Variants in GANC observed in about 807,000 individuals in gnomAD.
GANC encodes neutral alpha-glucosidase C.
A neutral mutation model predicts 124.2 loss-of-function variants in GANC; 117 were observed. The ratio of observed to expected loss-of-function variants is 0.94; its 90% confidence interval spans 0.81 to 1.10. The LOEUF (loss-of-function observed/expected upper bound fraction) is 1.10. Ranked by LOEUF, GANC falls within the 50% of genes least tolerant of loss-of-function variation. The pLI, the probability that GANC is intolerant of heterozygous loss-of-function variation, is 0.00. For missense variants in GANC, 1,140 were observed against 1,095.0 expected, an observed-to-expected ratio of 1.04 and a Z score of -0.58; for synonymous variants, 377 against 376.8, an observed-to-expected ratio of 1.00 and a Z score of -0.01.
intron 11 of GANC, among the ~76,000 whole-genome samples, chr15:42,323,173 T>C (rs2052174503): frequency 6.6e-6 from 1 of 152,218 alleles, no homozygotes; most frequent in African/African-American, 2.4e-5. Context: ...TTTCAAAATT[T>C]ACACAAAGGC....
At chr15:42,301,715 C>T (rs1374591019) in intron 6 of GANC, among the ~76,000 whole-genome samples, 7 of 152,222 alleles carry the variant, frequency 4.6e-5, no homozygotes, top group Admixed American at 4.6e-4. Context: ...GTTTTCCCCT[C>T]ACAGTCTAAA....
At chr15:42,322,220 T>C (rs1444434281) in intron 11 of GANC, among the ~76,000 whole-genome samples, 200 bp downstream of exon 11, 2 of 152,192 alleles carry the variant, frequency 1.3e-5, no homozygotes, top group Non-Finnish European at 2.9e-5. Context: ...CTGGCTTAGT[T>C]ATCTAGGTCA....
chr15:42,341,861 G>C (rs1052783719), intron 18 of GANC, among the ~76,000 whole-genome samples: 1 of 152,080 alleles, frequency 6.6e-6, no homozygotes, highest in Admixed American at 6.5e-5. Context: ...ACCACGCCCA[G>C]CCCCGTTTCT....
chr15:42,340,454 A>G (rs1181719644), intron 17 of GANC, among the ~76,000 whole-genome samples: 6 of 152,024 alleles, frequency 3.9e-5, no homozygotes. Context: ...AAATACAAAA[A>G]TTAGCTGGGC....
intron 6 of GANC, among the ~76,000 whole-genome samples, chr15:42,306,009 GT>G (rs1011119644): frequency 2.0e-5 from 3 of 148,454 alleles, no homozygotes; most frequent in African/African-American, 7.4e-5. Context: ...GGGTTGATGG[GT>G]GCAGCAAACC....
chr15:42,347,708 A>G (rs941466456), intron 20 of GANC, among the ~76,000 whole-genome samples: 1 of 152,222 alleles, frequency 6.6e-6, no homozygotes, highest in Non-Finnish European at 1.5e-5. Flanking sequence ...ACAGACAGAA[A>G]ACTTCACTCT....
chr15:42,294,648 A>G (rs1040561136), intron 5 of GANC, among the ~76,000 whole-genome samples: 6 of 150,400 alleles, frequency 4.0e-5, no homozygotes, highest in African/African-American at 1.2e-4. Context: ...ATGTATACAC[A>G]TTTTATATAT....
chr15:42,273,401 T>C lies in GANC; in HGVS notation c.-1081T>C. Reference sequence around the variant, plus strand: ...TGAAGCCACGCAGCCGCCGCCATCTTCACAGCCGTGGAGTGCCTACCGAAA... The same window carrying C: ...TGAAGCCACGCAGCCGCCGCCATCTCCACAGCCGTGGAGTGCCTACCGAAA... On this transcript the variant is annotated 5_prime_UTR_variant, in exon 1 of 24. Transcript: ENST00000318010. The C allele has an allele frequency of 6.2e-7, 1 of 1,613,868 alleles. No homozygotes were observed. Among genetic ancestry groups the C allele is most frequent in the Non-Finnish European group, 8.5e-7 (1 of 1,179,976 alleles).
chr15:42,285,008 T>A (rs1345333806), intron 3 of GANC, among the ~76,000 whole-genome samples: 1 of 152,264 alleles, frequency 6.6e-6, no homozygotes, highest in Non-Finnish European at 1.5e-5. Context: ...TATTTTTTCA[T>A]TGTCATTTCC....
chr15:42,281,158 A>G lies in GANC; in HGVS notation c.201+2568A>G, dbSNP rs953574761. 5 of 700,490 alleles carry G rather than the reference A, an allele frequency of 7.1e-6. No individual in the cohort carries two copies. In the African/African-American group the frequency reaches 8.8e-5, roughly 12 times the overall value. The allele number at this position is 700,490 out of a possible 1,614,324, so 43.4% of individuals were successfully genotyped here. Reference sequence around the variant, plus strand: ...GGTATTAGAAATATCAGAACCACATAGGGAATCTGCATGCCCTGATCTCAG... The same window carrying G: ...GGTATTAGAAATATCAGAACCACATGGGGAATCTGCATGCCCTGATCTCAG... On this transcript the variant is annotated intron_variant, in intron 3 of 23. Transcript: ENST00000318010.
chr15:42,317,687 C>G (rs1595776536), intron 10 of GANC, among the ~76,000 whole-genome samples: 2 of 152,300 alleles, frequency 1.3e-5, no homozygotes, highest in African/African-American at 4.8e-5. Flanking sequence ...ATTGCAGCAT[C>G]ATTTCTGCTG....
chr15:42,315,991 T>A (rs1204306018), intron 10 of GANC, among the ~76,000 whole-genome samples: 2 of 152,024 alleles, frequency 1.3e-5, no homozygotes, highest in Admixed American at 1.3e-4. Flanking sequence ...TCTGTGTATG[T>A]ATACATATTT....
chr15:42,292,568 G>C (rs1290141137), intron 4 of GANC, among the ~76,000 whole-genome samples, 167 bp from the exon 5 acceptor site: 1 of 152,138 alleles, frequency 6.6e-6, no homozygotes, highest in East Asian at 1.9e-4. Flanking sequence ...CTCAATTTAA[G>C]CTCTTTGGCA....
chr15:42,291,077 C>T, intron 4 of GANC, among the ~76,000 whole-genome samples: 1 of 151,990 alleles, frequency 6.6e-6, no homozygotes, highest in Non-Finnish European at 1.5e-5. Context: ...AGTCAGATCC[C>T]AACATGCCCA....
In GANC at chr15:42,297,638, A is replaced by T. The variant is rs757392077; in HGVS notation, c.540A>T (p.Thr180=). ...CTGCTAAAGAAAATGAGGAGGAGAC[A>T]TCAGTGGACACCTCTCAGGTAATCT... ...QRAAKENEEE[T]SVDTSQENQE... The change falls in exon 6 of 24, where the codon ACA becomes ACT. Residue 180 remains threonine, a synonymous_variant. Transcript: ENST00000318010. 2 of 1,611,910 alleles carry T rather than the reference A, an allele frequency of 1.2e-6. No homozygotes were observed. The highest frequency in any genetic ancestry group is 1.7e-6 in the Non-Finnish European group (2 of 1,178,412).
intron 12 of GANC, 43 bp from the exon 13 acceptor site, chr15:42,327,320 G>A: frequency 1.4e-6 from 2 of 1,429,768 alleles, no homozygotes; most frequent in Admixed American, 1.8e-5. Context: ...CTACTGTGAG[G>A]ACCACTGTTC....
intron 6 of GANC, among the ~76,000 whole-genome samples, chr15:42,305,734 A>G (rs1048250388): frequency 6.6e-6 from 1 of 152,248 alleles, no homozygotes; most frequent in Non-Finnish European, 1.5e-5. Flanking sequence ...AAAATGTGGC[A>G]CATACACACC....
chr15:42,295,711 A>G (rs1320624687), intron 5 of GANC, among the ~76,000 whole-genome samples: 1 of 151,266 alleles, frequency 6.6e-6, no homozygotes, highest in East Asian at 1.9e-4. Flanking sequence ...TTAAAAGTCA[A>G]GGACTTCCAG....
chr15:42,335,677 C>T (rs1268518637), intron 15 of GANC, among the ~76,000 whole-genome samples: 1 of 152,182 alleles, frequency 6.6e-6, no homozygotes, highest in Non-Finnish European at 1.5e-5. Context: ...GGAAGTCAAA[C>T]TATTCCTATT....
Sources: allele counts gnomAD v4.1 joint callset (sites outside exome capture counted in the v4.1 genomes callset), GRCh38; gene constraint gnomAD v4.1.1; transcripts MANE v1.5; gene names NCBI Gene and HGNC (gene_info 2026-07-23, HGNC 2026-07-21).